SEMA6D: variants seen among roughly 807,000 people sequenced by gnomAD.
The protein encoded by SEMA6D is semaphorin 6D, also known as semaphorin-6D.
In SEMA6D, 35 loss-of-function variants were observed where a neutral mutation model predicts 106.6. The observed-to-expected ratio is 0.33, with a 90% CI of 0.25 to 0.44. SEMA6D has a LOEUF of 0.44. Among genes scored for constraint, SEMA6D ranks in the 20% least tolerant of loss-of-function variants. SEMA6D has a pLI of 1.00. For synonymous variants in SEMA6D, 499 were observed against 487.7 expected, an observed-to-expected ratio of 1.02 and a Z score of -0.31; for missense variants, 1,185 against 1,345.9, an observed-to-expected ratio of 0.88 and a Z score of 1.87.
At chr15:47,275,400 C>T (rs1233721039) in intron 1 of SEMA6D, among the ~76,000 whole-genome samples, 1 of 152,092 alleles carries the variant, frequency 6.6e-6, no homozygotes, top group African/African-American at 2.4e-5. Flanking sequence ...AAATTGAGGG[C>T]AACTCTGTGT....
intron 3 of SEMA6D, among the ~76,000 whole-genome samples, chr15:47,479,452 T>C (rs1286408196): frequency 2.0e-5 from 3 of 152,176 alleles, no homozygotes; most frequent in African/African-American, 7.2e-5. Context: ...CAGTCACTGA[T>C]ACATAAGAAC....
chr15:47,489,114 A>T (rs535876333), intron 3 of SEMA6D, among the ~76,000 whole-genome samples: 2 of 152,136 alleles, frequency 1.3e-5, no homozygotes, highest in Non-Finnish European at 2.9e-5. Context: ...ATCCAATGAG[A>T]AGTGTCCTTA....
At chr15:47,718,083 T>A (rs563226055) in intron 1 of SEMA6D, among the ~76,000 whole-genome samples, 2 of 152,172 alleles carry the variant, frequency 1.3e-5, no homozygotes, top group Non-Finnish European at 2.9e-5. Context: ...TAAAAGTTTC[T>A]TGCCAGGCAG....
chr15:47,631,324 T>G (rs112681979), intron 4 of SEMA6D, among the ~76,000 whole-genome samples: 3,672 of 151,964 alleles, frequency 0.024, 74 homozygotes, highest in Non-Finnish European at 0.034. Flanking sequence ...TAGCAGTTTT[T>G]GGTTTTTGAA....
At chr15:47,244,214 T>A (rs2033080081) in intron 1 of SEMA6D, among the ~76,000 whole-genome samples, 1 of 152,066 alleles carries the variant, frequency 6.6e-6, no homozygotes, top group Non-Finnish European at 1.5e-5. Flanking sequence ...GGTCACAGCA[T>A]GGGGGAGTAT....
intron 1 of SEMA6D, among the ~76,000 whole-genome samples, chr15:47,282,405 G>A (rs1256799078): frequency 6.6e-6 from 1 of 152,098 alleles, no homozygotes; most frequent in Non-Finnish European, 1.5e-5. Context: ...ATACAGCAGG[G>A]AGAATAAATA....
At chr15:47,436,768 A>AAAT (rs1302309417) in intron 2 of SEMA6D, among the ~76,000 whole-genome samples, 21 of 125,376 alleles carry the variant, frequency 1.7e-4, no homozygotes, top group South Asian at 5.1e-4. Context: ...TAAAAAAAAA[A>AAAT]ATATATATAT....
At chr15:47,726,070 TGGC>T (rs2079731226) in intron 1 of SEMA6D, among the ~76,000 whole-genome samples, 1 of 152,252 alleles carries the variant, frequency 6.6e-6, no homozygotes, top group Admixed American at 6.5e-5. Flanking sequence ...GTAATCGGTC[TGGC>T]TCCCACCCCG....
At chr15:47,597,108 A>C (rs1032771373) in intron 3 of SEMA6D, among the ~76,000 whole-genome samples, 1 of 152,100 alleles carries the variant, frequency 6.6e-6, no homozygotes, top group Admixed American at 6.5e-5. Flanking sequence ...AATTTTAAAA[A>C]GGGCAACAGA....
At chr15:47,486,850 A>G (rs116574648) in intron 3 of SEMA6D, among the ~76,000 whole-genome samples, 1,880 of 152,288 alleles carry the variant, frequency 0.012, 36 homozygotes, top group African/African-American at 0.044. Context: ...TTTCCCCCAT[A>G]CATGCTTACC....
intron 1 of SEMA6D, among the ~76,000 whole-genome samples, chr15:47,748,081 G>T (rs997623730): frequency 1.3e-5 from 2 of 152,202 alleles, no homozygotes; most frequent in Non-Finnish European, 2.9e-5. Flanking sequence ...GGCCTGTGTT[G>T]CCCATTTCTG....
At chr15:47,699,492 C>T (rs1478590082) in intron 4 of SEMA6D, among the ~76,000 whole-genome samples, 2 of 152,148 alleles carry the variant, frequency 1.3e-5, no homozygotes, top group Non-Finnish European at 2.9e-5. Flanking sequence ...ATCAAATCAC[C>T]TCTGAAAAAG....
At chr15:47,278,427 G>C (rs1368287466) in intron 1 of SEMA6D, among the ~76,000 whole-genome samples, 3 of 152,172 alleles carry the variant, frequency 2.0e-5, no homozygotes, top group African/African-American at 7.2e-5. Flanking sequence ...AGAAGTGTCT[G>C]TTGATGTCCT....
chr15:47,247,733 G>A (rs951990812), intron 1 of SEMA6D, among the ~76,000 whole-genome samples: 1 of 152,122 alleles, frequency 6.6e-6, no homozygotes, highest in Non-Finnish European at 1.5e-5. Context: ...GTGCATGTGT[G>A]TGTGTCATAT....
At position 47,717,562 on chromosome 15, in the gene SEMA6D, A is replaced by C. The variant is rs2079157119; in HGVS notation, c.-185A>C. 1 of 153,462 alleles carries C rather than the reference A, an allele frequency of 6.5e-6. No homozygotes were observed. Among genetic ancestry groups the C allele is most frequent in the Non-Finnish European group, 1.4e-5 (1 of 69,012 alleles). 9.5% of individuals were successfully genotyped at this position (153,462 alleles called of 1,614,324 possible). On this transcript the variant is annotated 5_prime_UTR_variant, in exon 1 of 19. Transcript: ENST00000536845. ...GGTGGCGAGTTTCAGGATTCTATCAAGGAAGCCAAGACCTAAGGAGACAGA... is the reference window on the plus strand; with the variant it reads ...GGTGGCGAGTTTCAGGATTCTATCACGGAAGCCAAGACCTAAGGAGACAGA...
intron 4 of SEMA6D, among the ~76,000 whole-genome samples, chr15:47,680,246 C>A (rs567285745): frequency 2.6e-4 from 39 of 152,202 alleles, no homozygotes; most frequent in African/African-American, 8.7e-4. Context: ...TCATATTATT[C>A]TTCCTACTGT....
intron 4 of SEMA6D, among the ~76,000 whole-genome samples, chr15:47,698,301 G>GA (rs935976119): frequency 4.6e-5 from 7 of 151,888 alleles, no homozygotes; most frequent in Non-Finnish European, 7.4e-5. Context: ...AAAGAGATGA[G>GA]AAAAAAAGGG....
chr15:47,471,926 C>CTG (rs1446833632), intron 3 of SEMA6D, among the ~76,000 whole-genome samples: 4 of 130,714 alleles, frequency 3.1e-5, no homozygotes, highest in East Asian at 2.3e-4. Flanking sequence ...CTCTCTCTCT[C>CTG]TCTCTCACAC....
At chr15:47,305,027 T>G (rs2036180537) in intron 1 of SEMA6D, among the ~76,000 whole-genome samples, 1 of 152,226 alleles carries the variant, frequency 6.6e-6, no homozygotes, top group East Asian at 1.9e-4. Context: ...TAGCACCTGT[T>G]TTTCATTTAT....
Sources: allele counts gnomAD v4.1 joint callset (sites outside exome capture counted in the v4.1 genomes callset), GRCh38; gene constraint gnomAD v4.1.1; transcripts MANE v1.5; gene names NCBI Gene and HGNC (gene_info 2026-07-23, HGNC 2026-07-21).